GSN: variants seen among roughly 807,000 people sequenced by gnomAD.
GSN encodes the protein gelsolin, also known as actin-depolymerizing factor.
Under a neutral mutation model 85.7 loss-of-function variants are expected in GSN, and 56 were observed. The ratio of observed to expected loss-of-function variants is 0.65; its 90% confidence interval spans 0.53 to 0.82. The LOEUF (loss-of-function observed/expected upper bound fraction) is 0.82. Ranked by LOEUF, GSN falls within the 40% of genes least tolerant of loss-of-function variation. The pLI is 0.00. For synonymous variants in GSN, 373 were observed against 399.1 expected (o/e 0.93, Z 0.78); for missense variants, 857 against 979.8 (o/e 0.87, Z 1.67).
intron 6 of GSN, among the ~76,000 whole-genome samples, chr9:121,255,899 C>T (rs887709201): frequency 6.6e-6 from 1 of 152,160 alleles, no homozygotes; most frequent in African/African-American, 2.4e-5. Flanking sequence ...TTTCATCTTG[C>T]ATCAATTTAC....
chr9:121,280,155 G>A (rs917054655), intron 1 of GSN: 1 of 152,254 alleles, frequency 6.6e-6, no homozygotes, highest in African/African-American at 2.4e-5. Flanking sequence ...TAGGGAAGCT[G>A]GTTTAGGCAG....
intron 5 of GSN, among the ~76,000 whole-genome samples, chr9:121,247,012 A>C (rs2054712660): frequency 6.6e-6 from 1 of 152,208 alleles, no homozygotes; most frequent in Non-Finnish European, 1.5e-5. Context: ...GGAGGCAGAC[A>C]GAGCAATAGG....
chr9:121,270,705 A>G (rs1029341642), intron 1 of GSN, among the ~76,000 whole-genome samples: 7 of 152,140 alleles, frequency 4.6e-5, no homozygotes, highest in Non-Finnish European at 2.9e-5. Context: ...ACTCCTGCCA[A>G]ACACGTTGAT....
At chr9:121,302,722 G>A (rs1308879531) in intron 3 of GSN, among the ~76,000 whole-genome samples, 189 bp from the exon 4 acceptor site, 4 of 152,160 alleles carry the variant, frequency 2.6e-5, no homozygotes, top group African/African-American at 7.2e-5. Flanking sequence ...CTGGGAGGAC[G>A]CTTAGAGAAA....
rs186920058 is a variant in GSN at position 121,278,030 on chromosome 9, G to A, written c.-102-3440G>A. ...AAAGTTTGCTGACCCATGATCTAGAGTACCCAAAGATTTGCATGTTCTTTT... is the reference window on the plus strand; with the variant it reads ...AAAGTTTGCTGACCCATGATCTAGAATACCCAAAGATTTGCATGTTCTTTT... On this transcript the variant is annotated intron_variant, in intron 1 of 17. Coordinates refer to ENST00000432226, the MANE Select transcript of GSN (RefSeq NM_198252.3). Among the ~76,000 whole-genome samples, 460 of 151,746 alleles carry A rather than the reference G, an allele frequency of 3.0e-3. 3 individuals carry two copies. Among genetic ancestry groups the A allele is most frequent in the Non-Finnish European group, 4.1e-3 (276 of 67,946 alleles).
At chr9:121,313,621 A>AGGC in intron 6 of GSN, 2 of 419,930 alleles carry the variant, frequency 4.8e-6, no homozygotes, top group South Asian at 4.4e-5. Context: ...TTTTAAAGGT[A>AGGC]GGCGGTAGAA....
In GSN at chr9:121,216,647, C is replaced by G. The variant is rs187611202; in HGVS notation, c.-528+5780C>G. ...TACCCCCAGGTTCCGTAGTACCTTG[C>G]TTCTGTATTTTGCAGGACTTCTCCC... On this transcript the variant is annotated intron_variant, in intron 4 of 24. Coordinates refer to the GSN transcript ENST00000373823. 1.6e-3 allele frequency among the ~76,000 whole-genome samples: 239 copies of G among 152,318 alleles called. 1 individual carries two copies. The highest frequency in any genetic ancestry group is 3.4e-3 in the Middle Eastern group (1 of 294).
intron 6 of GSN, among the ~76,000 whole-genome samples, chr9:121,257,828 G>A (rs556233145): frequency 1.2e-4 from 18 of 152,108 alleles, no homozygotes; most frequent in Non-Finnish European, 2.1e-4. Flanking sequence ...CCAAGATTGC[G>A]TCACTGCACT....
intron 5 of GSN, among the ~76,000 whole-genome samples, chr9:121,240,626 G>A (rs10985189): frequency 2.6e-5 from 4 of 152,206 alleles, no homozygotes; most frequent in African/African-American, 9.7e-5. Context: ...GCTTGTGGTG[G>A]AACCAGGACC....
chr9:121,222,844 A>G (rs1053194479), intron 4 of GSN: 1 of 152,030 alleles, frequency 6.6e-6, no homozygotes, highest in Non-Finnish European at 1.5e-5. Flanking sequence ...CTTGGAAGAG[A>G]GCCAAGTGGG....
intron 4 of GSN, among the ~76,000 whole-genome samples, chr9:121,214,088 G>A (rs188463671): frequency 2.0e-5 from 3 of 152,272 alleles, no homozygotes; most frequent in African/African-American, 7.2e-5. Flanking sequence ...ACAGGGTTTC[G>A]TGAAGATTCA....
intron 4 of GSN, among the ~76,000 whole-genome samples, chr9:121,228,967 C>T (rs560818617): frequency 1.4e-4 from 22 of 152,236 alleles, no homozygotes; most frequent in African/African-American, 5.3e-4. Flanking sequence ...GCAAATATCT[C>T]CTAAGAGGAA....
chr9:121,229,120 A>G (rs1248219634), intron 4 of GSN, among the ~76,000 whole-genome samples: 1 of 152,206 alleles, frequency 6.6e-6, no homozygotes, highest in Admixed American at 6.5e-5. Flanking sequence ...GTCCAGTAGT[A>G]TAGAGAGCAC....
Position 121,318,156 on chromosome 9 carries a change from C to G in GSN, c.887-250C>G, listed in dbSNP as rs1399987636. 2.0e-5 allele frequency among the ~76,000 whole-genome samples: 3 copies of G among 152,222 alleles called. No individual in the cohort carries two copies. The highest frequency in any genetic ancestry group is 7.2e-5 in the African/African-American group (3 of 41,456). On this transcript the variant is annotated intron_variant, in intron 8 of 17. Coordinates refer to ENST00000432226, the MANE Select transcript of GSN (RefSeq NM_198252.3). This position sits in a 1 kb window ranked among gnomAD's most constrained non-coding sequence, Gnocchi z 4.3. ...TGAATTAAATAATCTATGCATAGTT[C>G]TAAGCACAAAATACATGCTCACTAA...
Position 121,327,366 on chromosome 9 carries a change from C to T in GSN, c.1646C>T (p.Ser549Leu), listed in dbSNP as rs201307081. 78 of 1,613,874 alleles carry T rather than the reference C, an allele frequency of 4.8e-5. No individual in the cohort carries two copies. Among genetic ancestry groups the T allele is most frequent in the Non-Finnish European group, 1.7e-6 (2 of 1,179,912 alleles). The change falls in exon 14 of 18, where the codon TCA becomes TTA. Residue 549 changes from serine (S) to leucine (L), a missense_variant. Coordinates refer to ENST00000432226, the MANE Select transcript of GSN (RefSeq NM_198252.3). ...SNDAFVLKTP[S>L]AAYLWVGTGA... ...GATGCCTTTGTTCTGAAAACCCCCT[C>T]AGCCGCCTACCTGTGGGTGGGTACA...
At chr9:121,277,984 C>T (rs984235561) in intron 1 of GSN, among the ~76,000 whole-genome samples, 4 of 150,916 alleles carry the variant, frequency 2.7e-5, no homozygotes, top group Admixed American at 1.3e-4. Flanking sequence ...AAAATATTTA[C>T]GGTCTGGCCC....
intron 4 of GSN, among the ~76,000 whole-genome samples, chr9:121,227,726 T>C (rs1213153490): frequency 6.6e-6 from 1 of 152,164 alleles, no homozygotes; most frequent in Non-Finnish European, 1.5e-5. Flanking sequence ...GGTGTCAGAC[T>C]GTTGTGTTGA....
chr9:121,320,200 G>A (rs770005482), intron 10 of GSN, among the ~76,000 whole-genome samples: 17 of 152,186 alleles, frequency 1.1e-4, no homozygotes, highest in Non-Finnish European at 1.8e-4. Flanking sequence ...GGACTTGGAC[G>A]ACTCCGTGTC....
chr9:121,291,672 C>T (rs766235193), intron 2 of GSN, among the ~76,000 whole-genome samples: 2 of 151,934 alleles, frequency 1.3e-5, no homozygotes, highest in East Asian at 1.9e-4. Context: ...CACCTGCCTC[C>T]GTCTCCCAAA....
Sources: allele counts gnomAD v4.1 joint callset (sites outside exome capture counted in the v4.1 genomes callset), GRCh38; gene constraint gnomAD v4.1.1; non-coding constraint Gnocchi (gnomAD v3.1); transcripts MANE v1.5; gene names NCBI Gene and HGNC (gene_info 2026-07-23, HGNC 2026-07-21).